Variants in MYO15A observed in about 807,000 individuals in gnomAD.
MYO15A encodes unconventional myosin-XV.
A neutral mutation model predicts 394.6 loss-of-function variants in MYO15A; 308 were observed. The ratio of observed to expected loss-of-function variants is 0.78; its 90% CI spans 0.71 to 0.86. The LOEUF is 0.86. Among genes scored for constraint, MYO15A ranks in the 40% least tolerant of loss-of-function variants. The pLI is 0.00. For synonymous variants in MYO15A, 1,957 were observed against 2,003.8 expected (o/e 0.98, Z 0.62); for missense variants, 4,606 against 4,799.1 (o/e 0.96, Z 1.19).
intron 12 of MYO15A, 77 bp from the exon 13 acceptor site, chr17:18,135,634 C>A: frequency 7.1e-7 from 1 of 1,404,374 alleles, no homozygotes; most frequent in Non-Finnish European, 9.9e-7. Context: ...AGCCACAGTG[C>A]CCGGCCCTGT....
chr17:18,137,330 G>C (rs533813454), intron 15 of MYO15A, among the ~76,000 whole-genome samples: 1 of 152,246 alleles, frequency 6.6e-6, no homozygotes, highest in African/African-American at 2.4e-5. Context: ...TCAAGGTTAT[G>C]TAGCTAGAAA....
At chr17:18,152,326 T>A in intron 42 of MYO15A, 142 bp downstream of exon 42, 1 of 831,856 alleles carries the variant, frequency 1.2e-6, no homozygotes, top group Non-Finnish European at 1.9e-6. Context: ...GGTGTAATTA[T>A]AATGTCAATA....
chr17:18,168,867 C>T (rs183127392), intron 62 of MYO15A, among the ~76,000 whole-genome samples: 7 of 151,592 alleles, frequency 4.6e-5, no homozygotes, highest in Non-Finnish European at 1.0e-4. Context: ...TTTGGGAGGC[C>T]GAGATGGGCG....
At chr17:18,142,995 C>T (rs1340913131) in intron 25 of MYO15A, among the ~76,000 whole-genome samples, 155 bp downstream of exon 25, 2 of 152,146 alleles carry the variant, frequency 1.3e-5, no homozygotes, top group Admixed American at 6.5e-5. Flanking sequence ...TGTCTATCCT[C>T]GATTTTCCCA....
intron 51 of MYO15A, chr17:18,158,158 T>G: frequency 1.7e-6 from 1 of 603,654 alleles, no homozygotes; most frequent in South Asian, 2.1e-5. Context: ...ATCAGGACAA[T>G]GGGGTCAGAC....
chr17:18,150,345 A>C lies in MYO15A; in HGVS notation c.7213-84A>C. The C allele has an allele frequency of 2.4e-6, 3 of 1,235,656 alleles. No homozygotes were observed. The highest frequency in any genetic ancestry group is 1.2e-5 in the South Asian group (1 of 81,920). The allele number at this position is 1,235,656 out of a possible 1,614,324, so 76.5% of individuals were successfully genotyped here. On this transcript the variant is annotated intron_variant, in intron 35 of 65. Transcript: ENST00000647165. The surrounding 1 kb of genome is among the most constrained non-coding windows in gnomAD (Gnocchi z 4.4). Reference sequence around the variant, plus strand: ...GCCCCCTCCCACGAGAGGGTGGGGAAGAGGCCAGTGTCAGGTGCCTGTTGC... The same window carrying C: ...GCCCCCTCCCACGAGAGGGTGGGGACGAGGCCAGTGTCAGGTGCCTGTTGC...
In MYO15A at chr17:18,118,732, G is replaced by A; in HGVS notation, c.-69G>A. The A allele has an allele frequency of 6.2e-7, 1 of 1,603,898 alleles. No homozygotes were observed. On this transcript the variant is annotated 5_prime_UTR_variant, in exon 2 of 66. Coordinates refer to ENST00000647165, the MANE Select transcript of MYO15A (RefSeq NM_016239.4). ...CAGCCGCGGGCAAGAGACAGAGCAG[G>A]TCCCTGTGTCTCCAAGTCCCTGAGC...
intron 1 of MYO15A, among the ~76,000 whole-genome samples, chr17:18,114,237 C>T (rs1237642944): frequency 8.6e-6 from 1 of 115,816 alleles, no homozygotes; most frequent in African/African-American, 2.9e-5. Context: ...CACCACAGTC[C>T]TGTCTTTTTT....
chr17:18,141,148 C>G lies in MYO15A; in HGVS notation c.5531+5C>G, dbSNP rs1392003350. On this transcript the variant is annotated splice_donor_5th_base_variant and intron_variant, in intron 22 of 65. Transcript: ENST00000647165. ...TTTCCAGGGGTTCATCGACAGGTAT[C>G]TTGGTTACGGTAGTTCCTGAGCTCT... The G allele has an allele frequency of 6.2e-7, 1 of 1,613,510 alleles. No homozygotes were observed. Among genetic ancestry groups the G allele is most frequent in the Non-Finnish European group, 8.5e-7 (1 of 1,180,016 alleles).
intron 64 of MYO15A, among the ~76,000 whole-genome samples, chr17:18,173,385 G>A (rs2046968791): frequency 1.3e-5 from 2 of 152,154 alleles, no homozygotes; most frequent in Admixed American, 6.5e-5. Context: ...GAGCCCAGGA[G>A]TTTTAAGACT....
Position 18,150,616 on chromosome 17 carries a change from C to T in MYO15A, c.7327+73C>T. On this transcript the variant is annotated intron_variant, in intron 36 of 65. Coordinates refer to ENST00000647165, the MANE Select transcript of MYO15A (RefSeq NM_016239.4). This position sits in a 1 kb window ranked among gnomAD's most constrained non-coding sequence, Gnocchi z 4.4. ...ACTTGCTGGTGTGCTAGAATGGAGG[C>T]AGCCACAGCATGATGGGGGCTGAGA... 6.2e-7 allele frequency: 1 copy of T among 1,608,636 alleles called. No individual in the cohort carries two copies. Among genetic ancestry groups the T allele is most frequent in the Non-Finnish European group, 8.5e-7 (1 of 1,176,340 alleles).
At chr17:18,127,025 A>G (rs1159687404) in intron 6 of MYO15A, 50 bp from the exon 7 acceptor site, 1 of 1,606,384 alleles carries the variant, frequency 6.2e-7, no homozygotes, top group Admixed American at 1.7e-5. Flanking sequence ...AGGGTGCCCC[A>G]GAAGAGGCAG....
Position 18,144,525 on chromosome 17 carries a change from C to G in MYO15A, c.6206C>G (p.Pro2069Arg). The change falls in exon 29 of 66, where the codon CCC becomes CGC. Residue 2069 changes from proline to arginine, a missense_variant. Pro to Arg is a moderately radical substitution (Grantham distance 103, BLOSUM62 -2). This residue lies in a region of MYO15A where 2,776 missense variants were observed against 3,109.3 expected (regional missense o/e 0.89). Transcript: ENST00000647165. ...KEPAFGMLTV[P>R]LRTPLTQLPA... ...CCTGCCTTTGGGATGCTGACAGTGC[C>G]CCTGAGGACACCCCTCACGCAGCTG... 6.2e-7 allele frequency: 1 copy of G among 1,613,438 alleles called. No individual in the cohort carries two copies. Among genetic ancestry groups the G allele is most frequent in the Non-Finnish European group, 8.5e-7 (1 of 1,180,024 alleles).
chr17:18,124,171 C>T (rs77004120), intron 2 of MYO15A: 76 of 415,900 alleles, frequency 1.8e-4, no homozygotes, highest in African/African-American at 1.3e-3. Flanking sequence ...GGAAGAGTTG[C>T]GGTTGGGAGG....
Position 18,120,258 on chromosome 17 carries a change from G to A in MYO15A, c.1458G>A (p.Lys486=). Residue 486 remains lysine (K), a synonymous_variant, in exon 2 of 66, where the codon AAG becomes AAA. Transcript: ENST00000647165. ...KFRLFPRPQV[K]LFGKEKLEVP... The stretch of plus-strand genomic sequence containing the variant: ...GCCTCTTCCCGCGACCCCAGGTGAA[G>A]CTGTTTGGGAAGGAGAAGCTGGAGG... 1 of 1,611,996 alleles carries A rather than the reference G, an allele frequency of 6.2e-7. No homozygotes were observed. The highest frequency in any genetic ancestry group is 8.5e-7 in the Non-Finnish European group (1 of 1,179,616).
At position 18,121,609 on chromosome 17, in the gene MYO15A, C is replaced by G. The variant is rs2045934665; in HGVS notation, c.2809C>G (p.Gln937Glu). Residue 937 changes from glutamine (Q) to glutamate (E), a missense_variant, in exon 2 of 66, where the codon CAA (glutamine) becomes GAA (glutamate). Coordinates refer to ENST00000647165, the MANE Select transcript of MYO15A (RefSeq NM_016239.4). This position sits in a 1 kb window ranked among gnomAD's most constrained non-coding sequence, Gnocchi z 5.3. ...CTGGGACGTGGACATGCCTCCCACC[C>G]AACGCCCACCCTCCCCCTGGCCAGG... ...PSWDVDMPPTQRPPSPWPGGA... is the reference protein window; with the variant it reads ...PSWDVDMPPTERPPSPWPGGA... The G allele has an allele frequency of 3.1e-6, 5 of 1,596,288 alleles. No homozygotes were observed. In the East Asian group the frequency reaches 1.1e-4, roughly 36 times the overall value.
In MYO15A at chr17:18,142,859, C is replaced by G; in HGVS notation, c.5910+19C>G. On this transcript the variant is annotated intron_variant, in intron 25 of 65. Transcript: ENST00000647165. ...TCTCAAGGTATAGGCCCTACCCTATCTGGGTCCAAGGGGACAGCAGAGAAG... is the reference window on the plus strand; with the variant it reads ...TCTCAAGGTATAGGCCCTACCCTATGTGGGTCCAAGGGGACAGCAGAGAAG... 2 of 1,600,718 alleles carry G rather than the reference C, an allele frequency of 1.2e-6. No individual in the cohort carries two copies. Among genetic ancestry groups the G allele is most frequent in the African/African-American group, 1.3e-5 (1 of 74,660 alleles).
rs1391135239 is a variant in MYO15A, at chr17:18,132,416, T to C, written c.4207-37T>C. ...TGTGCCTGGGGGTCACCTAGGTAGG[T>C]GGCTCCCTTCTCTGTGCCCACCTAC... is the stretch of plus-strand genomic sequence containing the variant. On this transcript the variant is annotated intron_variant, in intron 10 of 65. Coordinates refer to ENST00000647165, the MANE Select transcript of MYO15A (RefSeq NM_016239.4). The surrounding 1 kb of genome is among the most constrained non-coding windows in gnomAD (Gnocchi z 4.6). 6.4e-7 allele frequency: 1 copy of C among 1,561,676 alleles called. No individual in the cohort carries two copies. The highest frequency in any genetic ancestry group is 8.8e-7 in the Non-Finnish European group (1 of 1,133,560).
chr17:18,151,186 C>G lies in MYO15A; in HGVS notation c.7550C>G (p.Thr2517Ser), dbSNP rs201119351. Residue 2517 changes from threonine to serine, a missense_variant, in exon 39 of 66, where the codon ACT (threonine) becomes AGT (serine). Physicochemically the swap from Thr to Ser is moderately conservative, Grantham distance 58. Coordinates refer to ENST00000647165, the MANE Select transcript of MYO15A (RefSeq NM_016239.4). Reference protein sequence around the residue: ...PPAKPVLLRATPKPLAPAPLA... With the variant: ...PPAKPVLLRASPKPLAPAPLA... ...GCCAAACCCGTGCTCCTGCGTGCCA[C>G]TCCAAAGCCCTTGGCCCCAGCCCCT... 8.7e-5 allele frequency: 141 copies of G among 1,614,124 alleles called. 2 individuals are homozygous for G. The Middle Eastern group carries it at 1.5e-3, about 17-fold the overall frequency.
Sources: allele counts gnomAD v4.1 joint callset (sites outside exome capture counted in the v4.1 genomes callset), GRCh38; gene constraint gnomAD v4.1.1; regional missense constraint gnomAD v4.1.1; non-coding constraint Gnocchi (gnomAD v3.1); transcripts MANE v1.5; gene names NCBI Gene and HGNC (gene_info 2026-07-23, HGNC 2026-07-21).